Variants in MDFIC2 observed in about 807,000 individuals in gnomAD.
MDFIC2 encodes the protein MyoD family inhibitor domain containing 2, also known as myoD family inhibitor domain-containing protein 2.
At chr3:70,279,505 G>A (rs1391294159) in intron 2 of MDFIC2, among the ~76,000 whole-genome samples, 2 of 152,028 alleles carry the variant, frequency 1.3e-5, no homozygotes, top group Non-Finnish European at 2.9e-5. Flanking sequence ...CACTTTCTCA[G>A]TTCTCCTCCA....
intron 2 of MDFIC2, among the ~76,000 whole-genome samples, chr3:70,243,686 G>A (rs1197201183): frequency 6.6e-6 from 1 of 152,084 alleles, no homozygotes; most frequent in East Asian, 1.9e-4. Context: ...ACGTCTCCAG[G>A]TATTCCTAAC....
At chr3:70,250,440 CACACACACACAA>C (rs1437068400) in intron 2 of MDFIC2, among the ~76,000 whole-genome samples, 7 of 132,010 alleles carry the variant, frequency 5.3e-5, no homozygotes, top group South Asian at 2.2e-4. Context: ...CACACACACA[CACACACACACAA>C]ACACAAACCT....
At chr3:70,278,227 T>C (rs1442900007) in intron 2 of MDFIC2, among the ~76,000 whole-genome samples, 1 of 152,224 alleles carries the variant, frequency 6.6e-6, no homozygotes, top group Non-Finnish European at 1.5e-5. Context: ...CAACGTTTTG[T>C]CTGAAAGATT....
At chr3:70,309,378 A>G (rs1358136800) in intron 2 of MDFIC2, among the ~76,000 whole-genome samples, 3 of 152,192 alleles carry the variant, frequency 2.0e-5, no homozygotes, top group African/African-American at 4.8e-5. Context: ...CCAATGGTTC[A>G]AAGTGTGAAC....
At chr3:70,204,542 G>A (rs56306882) in intron 3 of MDFIC2, 31,333 of 152,120 alleles carry the variant, frequency 0.21, 3,744 homozygotes, top group Non-Finnish European at 0.27. Flanking sequence ...AAGGACAAGT[G>A]GACTATCACC....
chr3:70,287,339 T>C (rs915608728), intron 2 of MDFIC2, among the ~76,000 whole-genome samples: 2 of 148,400 alleles, frequency 1.3e-5, no homozygotes, highest in Non-Finnish European at 3.0e-5. Context: ...TCTTTGGCTG[T>C]GTTTATATGC....
chr3:70,247,310 T>C (rs2106647421), intron 2 of MDFIC2, among the ~76,000 whole-genome samples: 1 of 152,134 alleles, frequency 6.6e-6, no homozygotes, highest in South Asian at 2.1e-4. Context: ...AGGCTGTGTT[T>C]CTCTGGCAGT....
chr3:70,296,717 T>C (rs545818163), intron 2 of MDFIC2, among the ~76,000 whole-genome samples: 1 of 152,258 alleles, frequency 6.6e-6, no homozygotes, highest in Admixed American at 6.5e-5. Context: ...CTTCTTTTCT[T>C]CATTCACAGT....
intron 2 of MDFIC2, among the ~76,000 whole-genome samples, chr3:70,280,623 G>C (rs1702072672): frequency 6.6e-6 from 1 of 152,092 alleles, no homozygotes; most frequent in South Asian, 2.1e-4. Flanking sequence ...GTTCTTCTCT[G>C]TCCTCCTTTC....
chr3:70,213,378 G>T (rs1426135248), intron 2 of MDFIC2, among the ~76,000 whole-genome samples: 4 of 152,106 alleles, frequency 2.6e-5, no homozygotes, highest in African/African-American at 9.7e-5. Context: ...TTAAGGTAGG[G>T]TGATTTTAAT....
chr3:70,236,206 C>T (rs946538670), intron 2 of MDFIC2, among the ~76,000 whole-genome samples: 1 of 152,088 alleles, frequency 6.6e-6, no homozygotes, highest in Admixed American at 6.5e-5. Flanking sequence ...TCGACTTGGC[C>T]CCTTGTGATC....
rs143491287 is a variant in MDFIC2, at chr3:70,228,769, A to G, written c.89-21979T>C. Among the ~76,000 whole-genome samples, 532 of 151,664 alleles carry G rather than the reference A, an allele frequency of 3.5e-3. 7 individuals carry two copies. Among genetic ancestry groups the G allele is most frequent in the African/African-American group, 0.012 (503 of 41,358 alleles). ...TTTTTTTTTTTACTAACAACAGTCAAGTTTCATTTGCATTCTCCTTTTCTC... is the reference window on the plus strand; with the variant it reads ...TTTTTTTTTTTACTAACAACAGTCAGGTTTCATTTGCATTCTCCTTTTCTC... On this transcript the variant is annotated intron_variant, in intron 2 of 3. Transcript: ENST00000567252.
At chr3:70,277,499 A>G (rs1338883798) in intron 2 of MDFIC2, among the ~76,000 whole-genome samples, 2 of 152,328 alleles carry the variant, frequency 1.3e-5, no homozygotes, top group South Asian at 2.1e-4. Context: ...AGAATAAGCC[A>G]TAAAAGCTGA....
intron 2 of MDFIC2, among the ~76,000 whole-genome samples, chr3:70,249,348 G>A (rs570574698): frequency 1.3e-5 from 2 of 152,242 alleles, no homozygotes; most frequent in South Asian, 4.1e-4. Flanking sequence ...AGGCTTCAGT[G>A]TCTAAGGGGG....
intron 2 of MDFIC2, among the ~76,000 whole-genome samples, chr3:70,236,092 C>A (rs1701605924): frequency 6.6e-6 from 1 of 152,204 alleles, no homozygotes; most frequent in South Asian, 2.1e-4. Flanking sequence ...TAGCTCTCTT[C>A]ACTCTTTCCC....
chr3:70,292,223 T>G (rs1328389870), intron 2 of MDFIC2, among the ~76,000 whole-genome samples: 7 of 152,084 alleles, frequency 4.6e-5, no homozygotes, highest in Non-Finnish European at 8.8e-5. Context: ...CCACATAGAG[T>G]TGTTGTACAG....
intron 3 of MDFIC2, among the ~76,000 whole-genome samples, chr3:70,204,119 G>C (rs1285211845): frequency 6.6e-6 from 1 of 152,144 alleles, no homozygotes; most frequent in Non-Finnish European, 1.5e-5. Context: ...CCTGTTTTAA[G>C]TGGGGCAATG....
intron 2 of MDFIC2, among the ~76,000 whole-genome samples, chr3:70,220,429 C>A (rs1402862144): frequency 6.6e-6 from 1 of 151,722 alleles, no homozygotes; most frequent in Non-Finnish European, 1.5e-5. Flanking sequence ...CAGAGCAAGA[C>A]CTTACCTCTT....
intron 2 of MDFIC2, among the ~76,000 whole-genome samples, chr3:70,219,195 T>G (rs1039512401): frequency 6.6e-6 from 1 of 152,190 alleles, no homozygotes; most frequent in African/African-American, 2.4e-5. Flanking sequence ...AAAACAAGAA[T>G]GCTCACATCT....
Sources: gnomAD v4.1 joint callset for allele counts (sites outside exome capture counted in the v4.1 genomes callset) on GRCh38, gnomAD v4.1.1 for gene constraint, MANE v1.5 for transcripts, NCBI Gene and HGNC (gene_info 2026-07-23, HGNC 2026-07-21) for gene names.